Variants in C16orf96 observed in about 807,000 individuals in gnomAD.
The protein encoded by C16orf96 is uncharacterized protein C16orf96.
In C16orf96, 108 loss-of-function variants were observed where a neutral mutation model predicts 103.6. That is an observed-to-expected ratio of 1.04 (90% CI 0.89 to 1.22). The LOEUF (loss-of-function observed/expected upper bound fraction) is 1.22. C16orf96 is among the 50% of genes most tolerant of loss of function. The probability of loss-of-function intolerance (pLI) is 0.00; values close to 1 mark genes in which losing one functional copy is unlikely to be tolerated. For synonymous variants in C16orf96, 566 were observed against 593.5 expected (o/e 0.95, Z 0.67); for missense variants, 1,586 against 1,464.2 (o/e 1.08, Z -1.36).
chr16:4,593,162 CGAG>C lies in C16orf96; in HGVS notation c.2775-61_2775-59del. On this transcript the variant is annotated intron_variant, in intron 11 of 15. Transcript: ENST00000444310. This position sits in a 1 kb window ranked among gnomAD's most constrained non-coding sequence, Gnocchi z 4.2. Reference sequence around the variant, plus strand: ...GAAGGCTTCCTGGAGGGGTGGGAGACGAGCCCTCTGCTGGCCTAGCACGCCTCC... The same window carrying C: ...GAAGGCTTCCTGGAGGGGTGGGAGACCCCTCTGCTGGCCTAGCACGCCTCC... 1 of 1,471,348 alleles carries C rather than the reference CGAG, an allele frequency of 6.8e-7. No homozygotes were observed. The highest frequency in any genetic ancestry group is 2.0e-5 in the Admixed American group (1 of 50,698). The allele number at this position is 1,471,348 out of a possible 1,614,324, so 91.1% of individuals were successfully genotyped here.
In C16orf96 at chr16:4,571,622, C is replaced by G; in HGVS notation, c.482C>G (p.Ala161Gly). 6.4e-7 allele frequency: 1 copy of G among 1,552,240 alleles called. No individual in the cohort carries two copies. Among genetic ancestry groups the G allele is most frequent in the Middle Eastern group, 1.7e-4 (1 of 5,996 alleles). Residue 161 changes from alanine to glycine, a missense_variant, in exon 2 of 16, where the codon GCC (alanine) becomes GGC (glycine). By Grantham distance (60) the Ala-to-Gly change is moderately conservative. Coordinates refer to ENST00000444310, the MANE Select transcript of C16orf96 (RefSeq NM_001145011.2). ...DLHALQVTIT[A>G]LRKEVDMLKN... ...CATGCACTCCAGGTCACCATCACAG[C>G]CCTCAGAAAAGAAGTGGACATGCTG...
chr16:4,549,219 A>T, the C16orf96 span, among the ~76,000 whole-genome samples: 2 of 152,118 alleles, frequency 1.3e-5, no homozygotes, highest in Admixed American at 6.6e-5. Flanking sequence ...TCACGCCTGT[A>T]ATCCCAGCAC....
At chr16:4,586,138 T>G (rs1041859518) in intron 7 of C16orf96, among the ~76,000 whole-genome samples, 1 of 152,126 alleles carries the variant, frequency 6.6e-6, no homozygotes, top group Non-Finnish European at 1.5e-5. Context: ...TGGGTGTCAG[T>G]GACCCCAACT....
chr16:4,600,496 C>CG lies in C16orf96; in HGVS notation c.*179_*180insG, dbSNP rs541131974. The CG allele has an allele frequency of 1.1e-3, 543 of 483,124 alleles. 24 individuals carry two copies. Among genetic ancestry groups the CG allele is most frequent in the South Asian group, 0.011 (504 of 45,970 alleles). The allele number at this position is 483,124 out of a possible 1,614,324, so 29.9% of individuals were successfully genotyped here. A position where few individuals can be genotyped will look rare whatever the true frequency, so the allele number is the denominator to read the frequency against. On this transcript the variant is annotated 3_prime_UTR_variant, in exon 16 of 16. Coordinates refer to ENST00000444310, the MANE Select transcript of C16orf96 (RefSeq NM_001145011.2). ...CGAGGCTGAGGCTCATGCGCCCCCC[C>CG]CCATCCCTACCAAGTCCCCTCCACG...
At chr16:4,548,080 T>C in the C16orf96 span, among the ~76,000 whole-genome samples, 1 of 152,156 alleles carries the variant, frequency 6.6e-6, no homozygotes, top group Non-Finnish European at 1.5e-5. Context: ...AAAGCTGTTA[T>C]CAGAAAAGGA....
chr16:4,587,700 C>T (rs768997748), intron 8 of C16orf96, among the ~76,000 whole-genome samples: 8 of 151,912 alleles, frequency 5.3e-5, no homozygotes, highest in South Asian at 4.2e-4. Context: ...TTTGGGAGGC[C>T]GAGAAGATAG....
At chr16:4,580,817 G>A (rs972633076) in intron 7 of C16orf96, among the ~76,000 whole-genome samples, 6 of 151,410 alleles carry the variant, frequency 4.0e-5, no homozygotes, top group South Asian at 4.2e-4. Flanking sequence ...GTGAAACCCC[G>A]TCTCTTCTAG....
intron 7 of C16orf96, among the ~76,000 whole-genome samples, chr16:4,584,964 C>T (rs1440626817): frequency 6.6e-6 from 1 of 152,162 alleles, no homozygotes; most frequent in East Asian, 1.9e-4. Flanking sequence ...AGCCACTGCG[C>T]CCAGCCAAAA....
intron 7 of C16orf96, among the ~76,000 whole-genome samples, chr16:4,584,636 G>A (rs1896875393): frequency 1.3e-5 from 2 of 151,968 alleles, no homozygotes; most frequent in South Asian, 4.1e-4. Flanking sequence ...CCGGGTTCAA[G>A]TGATTCTCCT....
rs562150397 is a variant in C16orf96 at position 4,576,197 on chromosome 16, G to A, written c.1717G>A (p.Ala573Thr). The change falls in exon 5 of 16, where the codon GCT (alanine) becomes ACT (threonine). Residue 573 changes from alanine to threonine, a missense_variant. Ala to Thr is a moderately conservative substitution (Grantham distance 58). Transcript: ENST00000444310. ...RLKTTAAIAA[A>T]AAAAYAAATS... ...GAAAACCACCGCTGCCATCGCCGCC[G>A]CTGCCGCCGCAGCCTACGCCGCTGC... The A allele has an allele frequency of 1.2e-5, 19 of 1,550,482 alleles. No individual in the cohort carries two copies. The highest frequency in any genetic ancestry group is 8.2e-5 in the African/African-American group (6 of 73,182).
chr16:4,545,749 C>T, the C16orf96 span, among the ~76,000 whole-genome samples: 78 of 152,304 alleles, frequency 5.1e-4, 3 homozygotes, highest in South Asian at 0.016. Context: ...GGAGTTGAGC[C>T]TATTTCTGTA....
At chr16:4,550,480 C>T in the C16orf96 span, among the ~76,000 whole-genome samples, 1 of 146,758 alleles carries the variant, frequency 6.8e-6, no homozygotes, top group Non-Finnish European at 1.5e-5. Flanking sequence ...TCCTCCTTGG[C>T]CCCCTCTCCA....
chr16:4,596,683 A>AAAACAAAC lies in C16orf96; in HGVS notation c.3127+1896_3127+1903dup, dbSNP rs139039238. 1.1e-3 allele frequency among the ~76,000 whole-genome samples: 161 copies of AAAACAAAC among 150,834 alleles called. 1 individual carries two copies. Among genetic ancestry groups the AAAACAAAC allele is most frequent in the African/African-American group, 2.7e-3 (112 of 40,998 alleles). On this transcript the variant is annotated intron_variant, in intron 14 of 15. Coordinates refer to ENST00000444310, the MANE Select transcript of C16orf96 (RefSeq NM_001145011.2). ...GGCGACAGAGCCAGGCCCTGTCTCA[A>AAAACAAAC]AAACAAACAAACAAACAAACAAAAA...
the C16orf96 span, among the ~76,000 whole-genome samples, chr16:4,547,733 T>TTTCTTTCTTTCC: frequency 3.4e-5 from 5 of 146,046 alleles, no homozygotes; most frequent in African/African-American, 1.3e-4. Flanking sequence ...TCTTTCTTTC[T>TTTCTTTCTTTCC]TTCTCCTTCC....
chr16:4,580,313 C>G (rs559151293), intron 7 of C16orf96, among the ~76,000 whole-genome samples, 188 bp downstream of exon 7: 1 of 122,840 alleles, frequency 8.1e-6, no homozygotes, highest in Non-Finnish European at 1.8e-5. Flanking sequence ...TCCCACCACC[C>G]CCCCCCACCC....
At chr16:4,573,228 A>G (rs1162968601) in intron 2 of C16orf96, among the ~76,000 whole-genome samples, 1 of 152,092 alleles carries the variant, frequency 6.6e-6, no homozygotes, top group Non-Finnish European at 1.5e-5. Context: ...ACCTGAGGTC[A>G]GGAGTTCGAG....
At chr16:4,568,048 T>C (rs1390938558) in intron 1 of C16orf96, among the ~76,000 whole-genome samples, 1 of 152,070 alleles carries the variant, frequency 6.6e-6, no homozygotes, top group Non-Finnish European at 1.5e-5. Context: ...ATGGGAGCCA[T>C]TGGCAATCCA....
chr16:4,542,153 A>G, the C16orf96 span, among the ~76,000 whole-genome samples: 10 of 152,208 alleles, frequency 6.6e-5, no homozygotes, highest in Non-Finnish European at 1.0e-4. Context: ...CAAGAGTTTG[A>G]GACTAGCCTG....
intron 1 of C16orf96, among the ~76,000 whole-genome samples, chr16:4,567,918 G>C (rs943200520): frequency 6.6e-6 from 1 of 150,900 alleles, no homozygotes; most frequent in Non-Finnish European, 1.5e-5. Context: ...GGATGGTCTC[G>C]ATCTCCTGAC....
Sources: allele counts gnomAD v4.1 joint callset (sites outside exome capture counted in the v4.1 genomes callset), GRCh38; gene constraint gnomAD v4.1.1; non-coding constraint Gnocchi (gnomAD v3.1); transcripts MANE v1.5; gene names NCBI Gene and HGNC (gene_info 2026-07-23, HGNC 2026-07-21).